The following KIAA0319 variants were observed in gnomAD, a reference collection of about 807,000 sequenced individuals.
The protein encoded by KIAA0319 is dyslexia-associated protein KIAA0319.
In KIAA0319, 83 loss-of-function variants were observed where a neutral mutation model predicts 108.4. That is an observed-to-expected ratio of 0.77 (90% CI 0.64 to 0.92). The LOEUF (loss-of-function observed/expected upper bound fraction) is 0.92, where lower values mean the gene tolerates loss of function less well. Among genes scored for constraint, KIAA0319 ranks in the 40% least tolerant of loss-of-function variants. KIAA0319 has a pLI of 0.00. For synonymous variants in KIAA0319, 484 were observed against 510.4 expected, an observed-to-expected ratio of 0.95 and a Z score of 0.70; for missense variants, 1,195 against 1,322.4, an observed-to-expected ratio of 0.90 and a Z score of 1.49.
intron 3 of KIAA0319, among the ~76,000 whole-genome samples, chr6:24,595,546 CAAAAAAAAAAA>C (rs60291863): frequency 2.3e-5 from 1 of 43,276 alleles, no homozygotes; most frequent in African/African-American, 8.6e-5. Context: ...GATTCAATCT[CAAAAAAAAAAA>C]AAAAAAAAAA....
chr6:24,583,484 T>C (rs748040304), intron 5 of KIAA0319, 120 bp downstream of exon 5: 14 of 722,574 alleles, frequency 1.9e-5, no homozygotes, highest in Non-Finnish European at 2.8e-5. Context: ...GTCCTCCACC[T>C]TTGTTTGTGA....
downstream of KIAA0319, among the ~76,000 whole-genome samples, chr6:24,543,312 T>C (rs1249096653): frequency 6.6e-6 from 1 of 152,240 alleles, no homozygotes; most frequent in Non-Finnish European, 1.5e-5. Flanking sequence ...GAAACTTTTA[T>C]GGGTAATTAT....
rs764114131 is a variant in KIAA0319, at chr6:24,572,704, T to A, written c.1735-6A>T. On this transcript the variant is annotated splice_polypyrimidine_tract_variant and splice_region_variant and intron_variant, in intron 10 of 20. Transcript: ENST00000378214. ...AGGTATGGCGTCTGTACTCCCTAAG[T>A]AATAGCAAATACAAAAATAAAAACA... 1.5e-5 allele frequency: 24 copies of A among 1,591,682 alleles called. No individual in the cohort carries two copies. The highest frequency in any genetic ancestry group is 2.7e-5 in the African/African-American group (2 of 73,288).
intron 1 of KIAA0319, among the ~76,000 whole-genome samples, chr6:24,626,028 C>T (rs187624027): frequency 1.0e-3 from 154 of 152,238 alleles, no homozygotes; most frequent in African/African-American, 3.5e-3. Context: ...AAAAAAGGAA[C>T]GGCATATCTA....
At position 24,559,043 on chromosome 6, in the gene KIAA0319, G is replaced by C; in HGVS notation, c.2704C>G (p.Leu902Val). ...GTATCAACCCTCAAGACCTTGAAAAGCAAGAAGTCAGCCTTCTCCTTTGAG... is the reference window on the plus strand; with the variant it reads ...GTATCAACCCTCAAGACCTTGAAAACCAAGAAGTCAGCCTTCTCCTTTGAG... ...RLSKEKADFL[L>V]FKVLRVDTAG... Residue 902 changes from leucine to valine, a missense_variant, in exon 17 of 21, where the codon CTT becomes GTT. Leu to Val is a conservative substitution (Grantham distance 32). Transcript: ENST00000378214. 6.2e-7 allele frequency: 1 copy of C among 1,612,634 alleles called. No homozygotes were observed. Among genetic ancestry groups the C allele is most frequent in the Non-Finnish European group, 8.5e-7 (1 of 1,179,490 alleles).
In KIAA0319 at chr6:24,595,942, T is replaced by C. The variant is rs771794350; in HGVS notation, c.732A>G (p.Ser244=). Residue 244 remains serine, a synonymous_variant, in exon 3 of 21, where the codon TCA becomes TCG. Coordinates refer to ENST00000378214, the MANE Select transcript of KIAA0319 (RefSeq NM_014809.4). ...VLLPLPTTPS[S]GEVLEKEKAS... is the part of the protein sequence containing the mutation. ...CCTTTTCTTTCTCCAACACCTCTCCTGAAGATGGAGTAGTCGGCAAGGGAA... is the reference window on the plus strand; with the variant it reads ...CCTTTTCTTTCTCCAACACCTCTCCCGAAGATGGAGTAGTCGGCAAGGGAA... 1.9e-5 allele frequency: 30 copies of C among 1,613,982 alleles called. 1 individual carries two copies. In the Admixed American group the frequency reaches 3.7e-4, roughly 20 times the overall value.
chr6:24,548,344 A>G (rs530350726), intron 20 of KIAA0319, among the ~76,000 whole-genome samples: 2 of 152,342 alleles, frequency 1.3e-5, no homozygotes, highest in South Asian at 4.1e-4. Context: ...TCTTGCCAAC[A>G]ACCTCCTGCC....
At chr6:24,561,273 T>G (rs1209673058) in intron 16 of KIAA0319, among the ~76,000 whole-genome samples, 5 of 152,232 alleles carry the variant, frequency 3.3e-5, no homozygotes. Flanking sequence ...AGTTGGGAAA[T>G]GTTCCCTCCT....
intron 3 of KIAA0319, among the ~76,000 whole-genome samples, chr6:24,589,172 T>C (rs1768037507): frequency 6.6e-6 from 1 of 152,156 alleles, no homozygotes; most frequent in South Asian, 2.1e-4. Flanking sequence ...GGTAGGGCCT[T>C]TGGGAAGTAA....
chr6:24,578,451 A>T (rs896905457), intron 8 of KIAA0319, among the ~76,000 whole-genome samples: 1 of 152,186 alleles, frequency 6.6e-6, no homozygotes, highest in African/African-American at 2.4e-5. Flanking sequence ...ACCAGATTTG[A>T]ATGAGGCTGT....
chr6:24,580,721 C>A (rs1766380889), intron 7 of KIAA0319, among the ~76,000 whole-genome samples: 1 of 152,010 alleles, frequency 6.6e-6, no homozygotes, highest in Non-Finnish European at 1.5e-5. Context: ...CAGCAATAAC[C>A]TTGTCAAGCA....
chr6:24,588,549 C>T, intron 4 of KIAA0319, 44 bp downstream of exon 4: 1 of 1,529,214 alleles, frequency 6.5e-7, no homozygotes, highest in Non-Finnish European at 9.0e-7. Flanking sequence ...ATTCTACAGC[C>T]TGTCTTCAGT....
At chr6:24,551,819 G>A (rs1761553334) in intron 19 of KIAA0319, among the ~76,000 whole-genome samples, 1 of 152,128 alleles carries the variant, frequency 6.6e-6, no homozygotes, top group African/African-American at 2.4e-5. Flanking sequence ...TGTTGGCCCA[G>A]GGAGCTCTTC....
intron 1 of KIAA0319, among the ~76,000 whole-genome samples, chr6:24,617,631 T>C (rs1208379288): frequency 6.6e-6 from 1 of 152,144 alleles, no homozygotes; most frequent in Non-Finnish European, 1.5e-5. Context: ...AGTCAGAGCC[T>C]TGAGCTCACT....
At chr6:24,639,980 G>A (rs1428478043) in intron 1 of KIAA0319, among the ~76,000 whole-genome samples, 1 of 151,896 alleles carries the variant, frequency 6.6e-6, no homozygotes, top group Non-Finnish European at 1.5e-5. Flanking sequence ...AGTGAAAGAT[G>A]ACAGAGAGGG....
intron 6 of KIAA0319, 77 bp from the exon 7 acceptor site, chr6:24,581,090 C>G (rs1766463742): frequency 1.1e-6 from 1 of 895,244 alleles, no homozygotes; most frequent in East Asian, 2.4e-5. Flanking sequence ...GCTAAAATGT[C>G]CCAGAAGCCG....
Position 24,601,225 on chromosome 6 carries a change from T to C in KIAA0319, c.-105-17A>G. On this transcript the variant is annotated splice_polypyrimidine_tract_variant and intron_variant, in intron 1 of 20. Transcript: ENST00000378214. ...CCTCAAGAACTTCAAAGGAAAAACA[T>C]AAAAGAGGAAGGAAGAAAAGAATAG... 6.5e-7 allele frequency: 1 copy of C among 1,534,286 alleles called. No homozygotes were observed. The highest frequency in any genetic ancestry group is 2.2e-5 in the Admixed American group (1 of 45,030).
intron 1 of KIAA0319, among the ~76,000 whole-genome samples, chr6:24,641,840 G>A (rs528689132): frequency 2.6e-5 from 4 of 151,786 alleles, no homozygotes; most frequent in Non-Finnish European, 4.4e-5. Flanking sequence ...AAAACCAGTC[G>A]GGGCAACATG....
intron 16 of KIAA0319, among the ~76,000 whole-genome samples, chr6:24,560,625 A>T (rs1267401843): frequency 1.3e-5 from 2 of 152,178 alleles, no homozygotes; most frequent in Non-Finnish European, 2.9e-5. Flanking sequence ...CCAAAATCAA[A>T]GTGTTCTGTT....
Sources: gnomAD v4.1 joint callset for allele counts (sites outside exome capture counted in the v4.1 genomes callset) on GRCh38, gnomAD v4.1.1 for gene constraint, MANE v1.5 for transcripts, NCBI Gene and HGNC (gene_info 2026-07-23, HGNC 2026-07-21) for gene names.